The following G2E3 variants were observed in gnomAD, a reference collection of about 807,000 sequenced individuals.
The protein encoded by G2E3 is G2/M phase-specific E3 ubiquitin-protein ligase.
In G2E3, 35 loss-of-function variants were observed where a neutral mutation model predicts 92.8. The ratio of observed to expected loss-of-function variants is 0.38; its 90% CI spans 0.29 to 0.50. The LOEUF (loss-of-function observed/expected upper bound fraction) is 0.50. Among genes scored for constraint, G2E3 ranks in the 20% least tolerant of loss-of-function variants. The probability of loss-of-function intolerance (pLI) is 0.94; values close to 1 mark genes in which losing one functional copy is unlikely to be tolerated. For missense variants in G2E3, 554 were observed against 823.8 expected (o/e 0.67, Z 4.01); for synonymous variants, 242 against 272.4 (o/e 0.89, Z 1.10).
At chr14:30,592,909 T>TTA (rs1387880476) in intron 5 of G2E3, among the ~76,000 whole-genome samples, 1 of 152,158 alleles carries the variant, frequency 6.6e-6, no homozygotes, top group East Asian at 1.9e-4. Context: ...GAGTACAACT[T>TTA]TAAACATCAA....
At chr14:30,603,622 A>C in intron 10 of G2E3, among the ~76,000 whole-genome samples, 1 of 152,210 alleles carries the variant, frequency 6.6e-6, no homozygotes, top group Non-Finnish European at 1.5e-5. Context: ...TGGGAGGATC[A>C]TTTGAACCCT....
chr14:30,597,558 A>C, intron 7 of G2E3, 32 bp downstream of exon 7: 1 of 1,083,520 alleles, frequency 9.2e-7, no homozygotes, highest in Non-Finnish European at 1.4e-6. Flanking sequence ...GATAAAAAAA[A>C]GATATTTTAA....
intron 2 of G2E3, among the ~76,000 whole-genome samples, chr14:30,583,849 G>A (rs1337834691): frequency 6.6e-6 from 1 of 152,064 alleles, no homozygotes; most frequent in Non-Finnish European, 1.5e-5. Context: ...TGTGTGTGTT[G>A]GGAGGGGTGG....
intron 7 of G2E3, 151 bp downstream of exon 7, chr14:30,597,677 G>C: frequency 1.7e-6 from 1 of 600,116 alleles, no homozygotes; most frequent in Admixed American, 3.1e-5. Context: ...CCCCCACATG[G>C]CCAGTTCTTG....
At chr14:30,589,656 TAAAG>T (rs899241608) in intron 4 of G2E3, among the ~76,000 whole-genome samples, 172 bp downstream of exon 4, 1 of 152,052 alleles carries the variant, frequency 6.6e-6, no homozygotes, top group African/African-American at 2.4e-5. Context: ...TTTTGCCCAT[TAAAG>T]AAAGCTTAAT....
At chr14:30,596,186 C>T (rs1881282251) in intron 6 of G2E3, among the ~76,000 whole-genome samples, 2 of 150,898 alleles carry the variant, frequency 1.3e-5, no homozygotes, top group South Asian at 2.1e-4. Flanking sequence ...TTGTCTGAAC[C>T]TGGAATCCTC....
rs745625324 is a variant in G2E3 at position 30,612,276 on chromosome 14, A to G, written c.1570A>G (p.Ile524Val). The change falls in exon 13 of 15, where the codon ATT becomes GTT. Residue 524 changes from isoleucine to valine, a missense_variant. By Grantham distance (29) the Ile-to-Val change is conservative. Transcript: ENST00000206595. Reference sequence around the variant, plus strand: ...TGAATGCTATAACTACCTTGAGTTAATTGGATGTCTCAGACTTATAACGAC... The same window carrying G: ...TGAATGCTATAACTACCTTGAGTTAGTTGGATGTCTCAGACTTATAACGAC... ...INECYNYLEL[I>V]GCLRLITTLS... 3 of 1,605,410 alleles carry G rather than the reference A, an allele frequency of 1.9e-6. No individual in the cohort carries two copies. The highest frequency in any genetic ancestry group is 1.7e-6 in the Non-Finnish European group (2 of 1,172,716).
intron 1 of G2E3, among the ~76,000 whole-genome samples, chr14:30,571,893 A>G (rs182668299): frequency 2.2e-4 from 33 of 151,884 alleles, no homozygotes; most frequent in Non-Finnish European, 4.1e-4. Context: ...TTTTGCTATT[A>G]CAAGACTTTT....
intron 3 of G2E3, among the ~76,000 whole-genome samples, chr14:30,587,319 C>T (rs1880766112): frequency 6.6e-6 from 1 of 152,166 alleles, no homozygotes; most frequent in Non-Finnish European, 1.5e-5. Context: ...ATTTCATACT[C>T]AGAATTAGTC....
At chr14:30,566,015 G>A (rs28761255) in intron 1 of G2E3, among the ~76,000 whole-genome samples, 1 of 152,104 alleles carries the variant, frequency 6.6e-6, no homozygotes, top group Non-Finnish European at 1.5e-5. Context: ...TTGTCGAAGA[G>A]ACTGTTTTCT....
At chr14:30,614,123 T>G (rs2138919512) in intron 13 of G2E3, among the ~76,000 whole-genome samples, 1 of 152,280 alleles carries the variant, frequency 6.6e-6, no homozygotes, top group Non-Finnish European at 1.5e-5. Flanking sequence ...TACAAAGAAG[T>G]ATAGGTTTCA....
chr14:30,569,895 C>A (rs1879659098), intron 1 of G2E3, among the ~76,000 whole-genome samples: 1 of 152,210 alleles, frequency 6.6e-6, no homozygotes, highest in Non-Finnish European at 1.5e-5. Context: ...TACCTTTGCA[C>A]ACACTCTACT....
At chr14:30,589,007 T>A (rs1171518907) in intron 3 of G2E3, among the ~76,000 whole-genome samples, 1 of 152,128 alleles carries the variant, frequency 6.6e-6, no homozygotes, top group African/African-American at 2.4e-5. Flanking sequence ...CTGAATTGTC[T>A]CCATCTGTAT....
At chr14:30,570,024 C>T (rs1879666329) in intron 1 of G2E3, among the ~76,000 whole-genome samples, 2 of 152,198 alleles carry the variant, frequency 1.3e-5, no homozygotes, top group Admixed American at 1.3e-4. Context: ...ACTTGCCTGC[C>T]TCCCATGTGA....
chr14:30,568,425 G>C (rs1594462575), intron 1 of G2E3, among the ~76,000 whole-genome samples: 1 of 151,996 alleles, frequency 6.6e-6, no homozygotes, highest in African/African-American at 2.4e-5. Flanking sequence ...GTTAAGGAAG[G>C]ATTTCTGACA....
intron 7 of G2E3, 51 bp downstream of exon 7, chr14:30,597,577 T>A: frequency 1.1e-6 from 1 of 948,358 alleles, no homozygotes; most frequent in Non-Finnish European, 1.7e-6. Context: ...AAATGTAGGA[T>A]TTAATAGCAA....
chr14:30,602,970 G>A (rs911983443), intron 10 of G2E3: 1 of 152,048 alleles, frequency 6.6e-6, no homozygotes, highest in African/African-American at 2.4e-5. Flanking sequence ...GAGTCTAAAT[G>A]TCAGCTCTTC....
At chr14:30,606,666 C>T (rs1294918030) in intron 11 of G2E3, among the ~76,000 whole-genome samples, 4 of 152,094 alleles carry the variant, frequency 2.6e-5, no homozygotes, top group East Asian at 1.9e-4. Flanking sequence ...TCCTTAATTA[C>T]TTACTCTCTC....
At chr14:30,568,945 A>G (rs1400909075) in intron 1 of G2E3, among the ~76,000 whole-genome samples, 2 of 152,046 alleles carry the variant, frequency 1.3e-5, no homozygotes, top group East Asian at 3.9e-4. Context: ...TAGCATCTCT[A>G]GTAGGACAGA....
Sources: gnomAD v4.1 joint callset for allele counts (sites outside exome capture counted in the v4.1 genomes callset) on GRCh38, gnomAD v4.1.1 for gene constraint, MANE v1.5 for transcripts, NCBI Gene and HGNC (gene_info 2026-07-23, HGNC 2026-07-21) for gene names.